The following NDUFA10 variants were observed in gnomAD, a reference collection of about 807,000 sequenced individuals.
NDUFA10 encodes NADH:ubiquinone oxidoreductase subunit A10, also known as NADH dehydrogenase [ubiquinone] 1 alpha subcomplex subunit 10, mitochondrial.
In NDUFA10, 40 loss-of-function variants were observed where a neutral mutation model predicts 47.8. The ratio of observed to expected loss-of-function variants is 0.84; its 90% CI spans 0.65 to 1.09. The LOEUF (loss-of-function observed/expected upper bound fraction) is 1.09. Among genes scored for constraint, NDUFA10 ranks in the 50% least tolerant of loss-of-function variants. The pLI, the probability that NDUFA10 is intolerant of heterozygous loss-of-function variation, is 0.00. For missense variants in NDUFA10, 413 were observed against 451.1 expected, an observed-to-expected ratio of 0.92 and a Z score of 0.76; for synonymous variants, 183 against 172.2, an observed-to-expected ratio of 1.06 and a Z score of -0.49.
At chr2:239,969,777 T>C (rs1695236219) in intron 9 of NDUFA10, 3 of 471,278 alleles carry the variant, frequency 6.4e-6, no homozygotes, top group Non-Finnish European at 1.3e-5. Flanking sequence ...ACCAACACAA[T>C]GCAATTAACA....
intron 4 of NDUFA10, among the ~76,000 whole-genome samples, chr2:239,935,365 T>A (rs1240294894): frequency 1.3e-5 from 2 of 152,220 alleles, no homozygotes; most frequent in African/African-American, 4.8e-5. Context: ...TGCCACTGGA[T>A]GGGAAAATTA....
intron 9 of NDUFA10, among the ~76,000 whole-genome samples, chr2:239,981,398 A>G (rs1160456221): frequency 7.2e-6 from 1 of 138,730 alleles, no homozygotes; most frequent in Non-Finnish European, 1.5e-5. Context: ...GAGACAGAGC[A>G]TAAAATAACT....
chr2:240,009,214 T>TACATGAC (rs1697052710), intron 6 of NDUFA10, among the ~76,000 whole-genome samples: 1 of 152,216 alleles, frequency 6.6e-6, no homozygotes, highest in Non-Finnish European at 1.5e-5. Context: ...GTCAGGCTGG[T>TACATGAC]CACTCAGTGC....
intron 9 of NDUFA10, among the ~76,000 whole-genome samples, chr2:239,976,117 T>TA (rs1349468281): frequency 1.3e-4 from 20 of 152,228 alleles, no homozygotes; most frequent in Admixed American, 4.6e-4. Context: ...CCACCTTTCT[T>TA]AATCATCCCA....
rs140012424 is a variant in NDUFA10 at position 240,014,911 on chromosome 2, T to C, written c.548-51A>G. The C allele has an allele frequency of 2.5e-6, 4 of 1,613,052 alleles. No homozygotes were observed. In the East Asian group the frequency reaches 8.9e-5, roughly 36 times the overall value. On this transcript the variant is annotated intron_variant, in intron 4 of 9. Transcript: ENST00000252711. Reference sequence around the variant, plus strand: ...GTCACCTACCAGTCCCCACACGGGTTTCCAAAACACACTCCTCCTTGAATA... The same window carrying C: ...GTCACCTACCAGTCCCCACACGGGTCTCCAAAACACACTCCTCCTTGAATA...
At chr2:239,910,951 A>C (rs891562639) in intron 4 of NDUFA10, among the ~76,000 whole-genome samples, 3 of 152,156 alleles carry the variant, frequency 2.0e-5, no homozygotes, top group African/African-American at 7.2e-5. Context: ...TCCTATTTCC[A>C]AGTGCCCGGC....
intron 5 of NDUFA10, among the ~76,000 whole-genome samples, chr2:239,893,417 T>C (rs1418037385): frequency 6.6e-6 from 1 of 152,234 alleles, no homozygotes; most frequent in African/African-American, 2.4e-5. Flanking sequence ...TTAGTCCATC[T>C]GTGTTGCTGT....
downstream of NDUFA10, among the ~76,000 whole-genome samples, chr2:239,957,081 C>A (rs1233009671): frequency 1.3e-5 from 2 of 152,170 alleles, no homozygotes; most frequent in Non-Finnish European, 2.9e-5. Flanking sequence ...CCAGACCCTC[C>A]TTGCGGCTCA....
intron 8 of NDUFA10, among the ~76,000 whole-genome samples, chr2:239,992,296 T>C (rs1273429287): frequency 6.6e-6 from 1 of 152,184 alleles, no homozygotes; most frequent in East Asian, 1.9e-4. Context: ...ATACTAGAGC[T>C]TGGTTACAAT....
At chr2:239,909,702 T>TA (rs889054780) in intron 4 of NDUFA10, among the ~76,000 whole-genome samples, 3 of 149,626 alleles carry the variant, frequency 2.0e-5, no homozygotes, top group Non-Finnish European at 1.5e-5. Flanking sequence ...GATTTCATGA[T>TA]AAAAAAATGC....
downstream of NDUFA10, among the ~76,000 whole-genome samples, chr2:239,952,812 G>C (rs1694578919): frequency 6.6e-6 from 1 of 152,268 alleles, no homozygotes; most frequent in African/African-American, 2.4e-5. Flanking sequence ...TGCTGACCAA[G>C]CTGGCAAGGC....
intron 8 of NDUFA10, among the ~76,000 whole-genome samples, chr2:239,999,203 CGCACAATGACATGGT>C (rs1194951749): frequency 6.6e-6 from 1 of 152,188 alleles, no homozygotes; most frequent in Non-Finnish European, 1.5e-5. Context: ...TGGTCATCAC[CGCACAATGACATGGT>C]GGCTGCCCCT....
At chr2:239,964,056 G>T (rs976594102) in intron 9 of NDUFA10, among the ~76,000 whole-genome samples, 1 of 152,204 alleles carries the variant, frequency 6.6e-6, no homozygotes, top group African/African-American at 2.4e-5. Flanking sequence ...GTAATGGCAC[G>T]TATGTCTATG....
At chr2:239,910,421 T>G (rs939614167) in intron 4 of NDUFA10, among the ~76,000 whole-genome samples, 8 of 152,104 alleles carry the variant, frequency 5.3e-5, no homozygotes, top group Non-Finnish European at 7.4e-5. Flanking sequence ...TGCAGGGACA[T>G]GGGTGGAGCT....
At chr2:239,920,617 C>T (rs185564745) in intron 4 of NDUFA10, among the ~76,000 whole-genome samples, 58 of 152,324 alleles carry the variant, frequency 3.8e-4, no homozygotes, top group Non-Finnish European at 7.1e-4. Flanking sequence ...CCTTAACTTC[C>T]CTAGAGCCCA....
At chr2:239,978,355 T>C (rs1057244921) in intron 9 of NDUFA10, among the ~76,000 whole-genome samples, 1 of 152,180 alleles carries the variant, frequency 6.6e-6, no homozygotes, top group South Asian at 2.1e-4. Flanking sequence ...ATCCTGGGCA[T>C]GGTCAACCTT....
chr2:239,950,684 C>T (rs1361757887), intron 4 of NDUFA10, among the ~76,000 whole-genome samples: 1 of 152,178 alleles, frequency 6.6e-6, no homozygotes, highest in Non-Finnish European at 1.5e-5. Context: ...GAGCTTGGGG[C>T]GGTGTAAGGG....
chr2:239,927,270 G>C (rs761810385), intron 4 of NDUFA10, among the ~76,000 whole-genome samples: 11 of 152,132 alleles, frequency 7.2e-5, no homozygotes, highest in African/African-American at 2.2e-4. Flanking sequence ...AAAGAATATA[G>C]AGCTGTAACA....
intron 6 of NDUFA10, among the ~76,000 whole-genome samples, chr2:240,007,831 G>A (rs188860475): frequency 1.8e-4 from 27 of 152,102 alleles, no homozygotes; most frequent in Admixed American, 4.6e-4. Context: ...GGGCCTAACC[G>A]AGCACAGGCA....
Sources: allele counts gnomAD v4.1 joint callset (sites outside exome capture counted in the v4.1 genomes callset), GRCh38; gene constraint gnomAD v4.1.1; transcripts MANE v1.5; gene names NCBI Gene and HGNC (gene_info 2026-07-23, HGNC 2026-07-21).